Variants in PPP4R3A observed in about 807,000 individuals in gnomAD.
The protein encoded by PPP4R3A is serine/threonine-protein phosphatase 4 regulatory subunit 3A.
PPP4R3A carries 15 observed loss-of-function variants against 91.7 expected under a neutral mutation model. The ratio of observed to expected loss-of-function variants is 0.16; its 90% CI spans 0.11 to 0.25. The LOEUF is 0.25. Among genes scored for constraint, PPP4R3A ranks in the 10% least tolerant of loss-of-function variants. The pLI is 1.00. For synonymous variants in PPP4R3A, 377 were observed against 348.7 expected (o/e 1.08, Z -0.91); for missense variants, 623 against 998.4 (o/e 0.62, Z 5.07).
chr14:91,486,346 T>G (rs1478215381), intron 2 of PPP4R3A, among the ~76,000 whole-genome samples: 1 of 152,090 alleles, frequency 6.6e-6, no homozygotes, highest in Non-Finnish European at 1.5e-5. Flanking sequence ...CTTCTTAGTT[T>G]CATTTTTTGT....
At chr14:91,465,036 G>A (rs1435674711) in intron 11 of PPP4R3A, among the ~76,000 whole-genome samples, 5 of 152,134 alleles carry the variant, frequency 3.3e-5, no homozygotes, top group Admixed American at 6.5e-5. Flanking sequence ...GGACCGGTCC[G>A]CGGCCAAGGG....
intron 10 of PPP4R3A, among the ~76,000 whole-genome samples, chr14:91,469,459 TCTCA>T (rs1430397979): frequency 6.6e-6 from 1 of 152,254 alleles, no homozygotes; most frequent in African/African-American, 2.4e-5. Context: ...GCCTTGGTGT[TCTCA>T]CTTTTTCTGT....
chr14:91,509,480 G>A (rs771370332), intron 1 of PPP4R3A, 26 bp downstream of exon 1: 14 of 1,566,744 alleles, frequency 8.9e-6, no homozygotes, highest in Non-Finnish European at 1.1e-5. Context: ...GGCTGCGAGG[G>A]TCCCGCCGCG....
chr14:91,509,588 G>A lies in PPP4R3A; in HGVS notation c.60C>T (p.Asp20=). ...ACGACACATGCCCGGTGCCCCGGTCGTCCCACTGCCGGTCCTCGTTGAGCG... is the reference window on the plus strand; with the variant it reads ...ACGACACATGCCCGGTGCCCCGGTCATCCCACTGCCGGTCCTCGTTGAGCG... The part of the protein sequence containing the change: ...VYTLNEDRQW[D]DRGTGHVSSG... The change falls in exon 1 of 15, where the codon GAC becomes GAT. Residue 20 remains aspartate, a synonymous_variant. Coordinates refer to ENST00000554943, the MANE Select transcript of PPP4R3A (RefSeq NM_001366432.2). 6.2e-7 allele frequency: 1 copy of A among 1,603,050 alleles called. No homozygotes were observed. Among genetic ancestry groups the A allele is most frequent in the Non-Finnish European group, 8.5e-7 (1 of 1,179,148 alleles).
In PPP4R3A at chr14:91,482,062, A is replaced by T. The variant is rs1275646358; in HGVS notation, c.429T>A (p.Ile143=). 6.2e-7 allele frequency: 1 copy of T among 1,613,960 alleles called. No homozygotes were observed. Among genetic ancestry groups the T allele is most frequent in the East Asian group, 2.2e-5 (1 of 44,888 alleles). The change falls in exon 4 of 15, where the codon ATT becomes ATA. Residue 143 remains isoleucine, a synonymous_variant. Transcript: ENST00000554943. ...GTAAAGATGATGCCACAAGTTCTGC[A>T]ATTTCTTCAAGGCGACTTAATTCAC... is the stretch of plus-strand genomic sequence containing the variant. ...PSCELSRLEE[I]AELVASSLPS...
At chr14:91,460,550 G>A (rs530903835) in intron 14 of PPP4R3A, among the ~76,000 whole-genome samples, 47 of 150,992 alleles carry the variant, frequency 3.1e-4, no homozygotes, top group African/African-American at 1.1e-3. Context: ...TGTCTCAAAA[G>A]AAAAGGGTGG....
chr14:91,472,189 G>A (rs746040641), intron 9 of PPP4R3A, among the ~76,000 whole-genome samples: 1 of 151,140 alleles, frequency 6.6e-6, no homozygotes, highest in Admixed American at 6.6e-5. Context: ...GCACACGCAC[G>A]CTAAAGCTCT....
intron 14 of PPP4R3A, among the ~76,000 whole-genome samples, chr14:91,459,598 G>C (rs140455785): frequency 6.6e-6 from 1 of 151,842 alleles, no homozygotes; most frequent in Non-Finnish European, 1.5e-5. Context: ...AGGCTGAGGC[G>C]GAGGGATCAC....
intron 1 of PPP4R3A, among the ~76,000 whole-genome samples, chr14:91,492,771 T>C (rs1405539047): frequency 6.6e-6 from 1 of 152,190 alleles, no homozygotes; most frequent in Non-Finnish European, 1.5e-5. Context: ...CATTCTCACA[T>C]TTTGGAGAAA....
chr14:91,484,055 T>C (rs1889728539), intron 3 of PPP4R3A, among the ~76,000 whole-genome samples: 1 of 152,230 alleles, frequency 6.6e-6, no homozygotes, highest in African/African-American at 2.4e-5. Flanking sequence ...AACTCATTAA[T>C]GTCACCTCTC....
chr14:91,497,379 C>T (rs1221833114), intron 1 of PPP4R3A, among the ~76,000 whole-genome samples: 1 of 134,220 alleles, frequency 7.5e-6, no homozygotes, highest in South Asian at 2.3e-4. Context: ...CACACACACA[C>T]GATACCTTTT....
intron 3 of PPP4R3A, among the ~76,000 whole-genome samples, chr14:91,483,107 T>A (rs1392886202): frequency 2.6e-5 from 4 of 152,214 alleles, no homozygotes; most frequent in African/African-American, 9.6e-5. Context: ...CATTTTAAAG[T>A]AAGGCATTTT....
At chr14:91,508,154 A>G (rs993031357) in intron 1 of PPP4R3A, among the ~76,000 whole-genome samples, 4 of 152,230 alleles carry the variant, frequency 2.6e-5, no homozygotes, top group African/African-American at 9.6e-5. Flanking sequence ...TAAGAAGCCA[A>G]TAACTCAGGC....
At chr14:91,500,563 T>C (rs989881515) in intron 1 of PPP4R3A, among the ~76,000 whole-genome samples, 3 of 152,156 alleles carry the variant, frequency 2.0e-5, no homozygotes, top group African/African-American at 7.2e-5. Flanking sequence ...TACTGTTGTA[T>C]AGCAGGAAAA....
chr14:91,459,151 C>G (rs1887964861), intron 14 of PPP4R3A, among the ~76,000 whole-genome samples: 1 of 152,078 alleles, frequency 6.6e-6, no homozygotes, highest in Non-Finnish European at 1.5e-5. Context: ...GTCACCCAGG[C>G]TGGAGTGCAG....
At chr14:91,505,745 G>A (rs182557004) in intron 1 of PPP4R3A, among the ~76,000 whole-genome samples, 2 of 152,282 alleles carry the variant, frequency 1.3e-5, no homozygotes, top group Admixed American at 6.5e-5. Flanking sequence ...GTATGGAAAA[G>A]CGCAATAATT....
At chr14:91,476,840 A>C in intron 5 of PPP4R3A, 69 bp downstream of exon 5, 1 of 1,335,970 alleles carries the variant, frequency 7.5e-7, no homozygotes, top group Non-Finnish European at 1.0e-6. Context: ...GCTGGGATTT[A>C]CAGGCGTGAG....
chr14:91,462,243 T>C lies in PPP4R3A; in HGVS notation c.1974-4A>G, dbSNP rs759168113. 6.4e-6 allele frequency: 10 copies of C among 1,572,650 alleles called. No individual in the cohort carries two copies. The highest frequency in any genetic ancestry group is 2.4e-5 in the South Asian group (2 of 83,230). ...ATTCCTCAAAATGGAACGCATACTA[T>C]GAGTAGGGAAGAAAGAGTAAATACA... On this transcript the variant is annotated splice_region_variant and splice_polypyrimidine_tract_variant and intron_variant, in intron 12 of 14. Transcript: ENST00000554943.
intron 2 of PPP4R3A, among the ~76,000 whole-genome samples, chr14:91,486,985 G>A (rs1005765223): frequency 2.6e-5 from 4 of 151,378 alleles, no homozygotes; most frequent in Non-Finnish European, 5.9e-5. Context: ...GGTGGCTCAT[G>A]CCTCTAATCA....
Sources: allele counts gnomAD v4.1 joint callset (sites outside exome capture counted in the v4.1 genomes callset), GRCh38; gene constraint gnomAD v4.1.1; transcripts MANE v1.5; gene names NCBI Gene and HGNC (gene_info 2026-07-23, HGNC 2026-07-21).